Variants in DENND2A observed in about 807,000 individuals in gnomAD.
DENND2A encodes the protein DENN domain-containing protein 2A.
Under a neutral mutation model 105.3 loss-of-function variants are expected in DENND2A, and 53 were observed. The ratio of observed to expected loss-of-function variants is 0.50; its 90% CI spans 0.40 to 0.63. DENND2A has a LOEUF of 0.63. Among genes scored for constraint, DENND2A ranks in the 30% least tolerant of loss-of-function variants. DENND2A has a pLI of 0.00. For synonymous variants in DENND2A, 522 were observed against 508.4 expected, an observed-to-expected ratio of 1.03 and a Z score of -0.36; for missense variants, 1,138 against 1,279.6, an observed-to-expected ratio of 0.89 and a Z score of 1.69.
intron 1 of DENND2A, among the ~76,000 whole-genome samples, 169 bp from the exon 2 acceptor site, chr7:140,605,975 G>A (rs1799673336): frequency 6.6e-6 from 1 of 152,174 alleles, no homozygotes; most frequent in Admixed American, 6.5e-5. Context: ...CAAGTAAAGT[G>A]GGGGTGCAAT....
intron 5 of DENND2A, among the ~76,000 whole-genome samples, chr7:140,580,421 G>C (rs1284382083): frequency 6.6e-6 from 1 of 152,164 alleles, no homozygotes; most frequent in Admixed American, 6.6e-5. Flanking sequence ...CTGGGTTCAA[G>C]TGAATCTCCC....
At chr7:140,571,053 T>G (rs1272155366) in intron 6 of DENND2A, among the ~76,000 whole-genome samples, 2 of 152,232 alleles carry the variant, frequency 1.3e-5, no homozygotes, top group Non-Finnish European at 2.9e-5. Context: ...AAAATTAATC[T>G]TATTATCTCA....
intron 11 of DENND2A, among the ~76,000 whole-genome samples, chr7:140,557,891 C>T (rs996234073): frequency 6.6e-6 from 1 of 152,008 alleles, no homozygotes; most frequent in African/African-American, 2.4e-5. Context: ...GGGCTGGTCT[C>T]GAACTCCTGG....
chr7:140,595,823 A>G (rs1799261906), intron 3 of DENND2A, among the ~76,000 whole-genome samples: 1 of 150,962 alleles, frequency 6.6e-6, no homozygotes, highest in Non-Finnish European at 1.5e-5. Context: ...AACATCATCC[A>G]GCTGGGTTAG....
intron 6 of DENND2A, among the ~76,000 whole-genome samples, chr7:140,572,179 A>T (rs1426613711): frequency 1.3e-5 from 2 of 151,244 alleles, no homozygotes; most frequent in Non-Finnish European, 2.9e-5. Context: ...CTAATTTTAA[A>T]TTTTTTTTGT....
At chr7:140,536,367 AAAAG>A (rs920414779) in intron 14 of DENND2A, among the ~76,000 whole-genome samples, 4 of 152,184 alleles carry the variant, frequency 2.6e-5, no homozygotes, top group Non-Finnish European at 5.9e-5. Flanking sequence ...GAAAAAAAAA[AAAAG>A]AATCTCAGAG....
chr7:140,574,952 G>A (rs544452480), intron 5 of DENND2A, among the ~76,000 whole-genome samples: 70 of 152,162 alleles, frequency 4.6e-4, no homozygotes, highest in Middle Eastern at 6.8e-3. Context: ...CCCTGGAGGC[G>A]GATGTTGCAG....
chr7:140,636,522 C>G (rs565289284), intron 1 of DENND2A, among the ~76,000 whole-genome samples: 1 of 152,258 alleles, frequency 6.6e-6, no homozygotes, highest in African/African-American at 2.4e-5. Flanking sequence ...CTTTTGGAAT[C>G]TGAGTTTCCG....
intron 2 of DENND2A, among the ~76,000 whole-genome samples, chr7:140,603,371 G>C (rs1799587439): frequency 1.3e-5 from 2 of 152,156 alleles, no homozygotes. Context: ...TTATCCACAG[G>C]CAGTTCTTTG....
chr7:140,541,979 C>G (rs1350189091), intron 14 of DENND2A, among the ~76,000 whole-genome samples: 2 of 152,160 alleles, frequency 1.3e-5, no homozygotes, highest in African/African-American at 4.8e-5. Context: ...TTCTTCTATG[C>G]CTTTTTTTTT....
rs568405263 is a variant in DENND2A at position 140,562,676 on chromosome 7, A to AACAAAAC, written c.1780-2860_1780-2859insGTTTTGT. On this transcript the variant is annotated intron_variant, in intron 9 of 19. Coordinates refer to ENST00000496613, the MANE Select transcript of DENND2A (RefSeq NM_015689.5). Reference sequence around the variant, plus strand: ...GGCTCCGTCTCAAAACAAACAAACAAAACAACAACAACAAAAAAACCCGCT... The same window carrying AACAAAAC: ...GGCTCCGTCTCAAAACAAACAAACAAACAAAACAACAACAACAACAAAAAAACCCGCT... 1.0e-3 allele frequency among the ~76,000 whole-genome samples: 142 copies of AACAAAAC among 142,092 alleles called. 4 individuals carry two copies. The South Asian group carries it at 0.024, about 24-fold the overall frequency. 93.2% of individuals were successfully genotyped at this position (142,092 alleles called of 152,430 possible). A position where few individuals can be genotyped will look rare whatever the true frequency, so the allele number is the denominator to read the frequency against.
At chr7:140,545,830 G>A (rs114841748) in intron 13 of DENND2A, among the ~76,000 whole-genome samples, 3,625 of 152,250 alleles carry the variant, frequency 0.024, 147 homozygotes, top group African/African-American at 0.083. Flanking sequence ...CTGCCCCAAC[G>A]GTGAGGCTTC....
chr7:140,587,210 G>T (rs750253397), intron 4 of DENND2A, among the ~76,000 whole-genome samples: 3 of 152,160 alleles, frequency 2.0e-5, no homozygotes, highest in Non-Finnish European at 4.4e-5. Context: ...TCATATGTGA[G>T]GTAGTTGACA....
At chr7:140,605,976 G>C (rs1292629246) in intron 1 of DENND2A, among the ~76,000 whole-genome samples, 170 bp from the exon 2 acceptor site, 1 of 152,130 alleles carries the variant, frequency 6.6e-6, no homozygotes, top group South Asian at 2.1e-4. Context: ...AAGTAAAGTG[G>C]GGGTGCAATC....
chr7:140,538,698 G>A (rs888449277), intron 14 of DENND2A, among the ~76,000 whole-genome samples: 1 of 151,904 alleles, frequency 6.6e-6, no homozygotes, highest in Non-Finnish European at 1.5e-5. Context: ...TGGAGACGGG[G>A]TTTCACCATG....
At chr7:140,630,935 T>C (rs1181731702) in intron 1 of DENND2A, among the ~76,000 whole-genome samples, 2 of 152,216 alleles carry the variant, frequency 1.3e-5, no homozygotes, top group African/African-American at 4.8e-5. Flanking sequence ...AATGGCCTTA[T>C]TGTTAACACT....
intron 11 of DENND2A, among the ~76,000 whole-genome samples, chr7:140,556,391 T>C (rs530905745): frequency 6.6e-6 from 1 of 152,018 alleles, no homozygotes; most frequent in Non-Finnish European, 1.5e-5. Flanking sequence ...CAGACTGGAG[T>C]GCAGCGACGC....
In DENND2A at chr7:140,559,475, G is replaced by A. The variant is rs1797524380; in HGVS notation, c.1889+233C>T. Among the ~76,000 whole-genome samples the A allele has an allele frequency of 1.3e-5, 2 of 152,196 alleles. No individual in the cohort carries two copies. The highest frequency in any genetic ancestry group is 2.9e-5 in the Non-Finnish European group (2 of 68,040). The stretch of plus-strand genomic sequence containing the variant: ...CCAGGCTAAGAATTATCTTCCGGGA[G>A]GCTTCTGAAACAAGTATCCCCAGAT... On this transcript the variant is annotated intron_variant, in intron 10 of 19. Transcript: ENST00000496613. The surrounding 1 kb of genome is among the most constrained non-coding windows in gnomAD (Gnocchi z 4.1).
At chr7:140,536,980 A>G (rs921993588) in intron 14 of DENND2A, among the ~76,000 whole-genome samples, 4 of 152,206 alleles carry the variant, frequency 2.6e-5, no homozygotes, top group African/African-American at 9.6e-5. Flanking sequence ...TGTTTTTCAT[A>G]GGACTTTGCT....
Sources: gnomAD v4.1 joint callset for allele counts (sites outside exome capture counted in the v4.1 genomes callset) on GRCh38, gnomAD v4.1.1 for gene constraint, Gnocchi (gnomAD v3.1) non-coding constraint, MANE v1.5 for transcripts, NCBI Gene and HGNC (gene_info 2026-07-23, HGNC 2026-07-21) for gene names.